Variants in MEI4 observed in about 807,000 individuals in gnomAD.
MEI4 encodes meiotic double-stranded break formation protein 4, also known as meiosis-specific protein MEI4.
Under a neutral mutation model 31.4 loss-of-function variants are expected in MEI4, and 27 were observed. The observed-to-expected ratio is 0.86, with a 90% CI of 0.63 to 1.19. The LOEUF (loss-of-function observed/expected upper bound fraction) is 1.19, where lower values mean the gene tolerates loss of function less well. Ranked by LOEUF, MEI4 falls within the 50% of genes most tolerant of loss-of-function variation. MEI4 has a pLI of 0.00. For missense variants in MEI4, 329 were observed against 398.9 expected, an observed-to-expected ratio of 0.82 and a Z score of 1.49; for synonymous variants, 122 against 145.4, an observed-to-expected ratio of 0.84 and a Z score of 1.16.
At position 77,715,657 on chromosome 6, in the gene MEI4, G is replaced by A. The variant is rs139508369; in HGVS notation, c.232+24754G>A. On this transcript the variant is annotated intron_variant, in intron 2 of 4. Transcript: ENST00000684080. ...GCCATATCCCTAATGTACTTACAGA[G>A]TTCTCATTTGGGCTTTACTGGCAGA... is the stretch of plus-strand genomic sequence containing the variant. 1.4e-3 allele frequency among the ~76,000 whole-genome samples: 212 copies of A among 152,220 alleles called. 1 individual carries two copies. Among genetic ancestry groups the A allele is most frequent in the African/African-American group, 4.5e-3 (186 of 41,526 alleles).
At chr6:77,900,839 A>T (rs1287170711) in intron 4 of MEI4, among the ~76,000 whole-genome samples, 3 of 151,920 alleles carry the variant, frequency 2.0e-5, no homozygotes, top group Non-Finnish European at 4.4e-5. Flanking sequence ...ATCTAACAGA[A>T]ATTTTGTGTC....
intron 3 of MEI4, among the ~76,000 whole-genome samples, chr6:77,791,800 A>G (rs982132706): frequency 2.0e-5 from 3 of 152,184 alleles, no homozygotes; most frequent in African/African-American, 4.8e-5. Flanking sequence ...TCTAATCTCT[A>G]GTAATTTTCA....
At chr6:77,799,954 C>T (rs1428761185) in intron 3 of MEI4, among the ~76,000 whole-genome samples, 2 of 152,132 alleles carry the variant, frequency 1.3e-5, no homozygotes, top group Admixed American at 1.3e-4. Context: ...GTTCTTTTGG[C>T]TTAGGATTTA....
intron 3 of MEI4, among the ~76,000 whole-genome samples, chr6:77,804,859 A>G (rs539966878): frequency 2.1e-4 from 32 of 152,336 alleles, no homozygotes; most frequent in Non-Finnish European, 3.5e-4. Flanking sequence ...TTGTCTGTCA[A>G]TCTTATTTAA....
intron 1 of MEI4, among the ~76,000 whole-genome samples, chr6:77,681,900 A>C (rs912803332): frequency 2.0e-5 from 3 of 152,188 alleles, no homozygotes; most frequent in Non-Finnish European, 2.9e-5. Flanking sequence ...TAAAAGTAGA[A>C]AAATTTGAAA....
At chr6:77,777,019 A>G (rs993083140) in intron 3 of MEI4, among the ~76,000 whole-genome samples, 2 of 152,160 alleles carry the variant, frequency 1.3e-5, no homozygotes, top group Non-Finnish European at 2.9e-5. Flanking sequence ...GGAGATATGT[A>G]TGCACCTAAA....
rs1766826353 is a variant in MEI4 at position 77,925,739 on chromosome 6, A to G, written c.*2393A>G. On this transcript the variant is annotated 3_prime_UTR_variant, in exon 5 of 5. Transcript: ENST00000684080. Reference sequence around the variant, plus strand: ...TGATGATAATTGCTATAACTCTTATACTATTTAATATAAGCTATAATAAAT... The same window carrying G: ...TGATGATAATTGCTATAACTCTTATGCTATTTAATATAAGCTATAATAAAT... 1 of 149,496 alleles carries G rather than the reference A, an allele frequency of 6.7e-6. No homozygotes were observed. The allele number at this position is 149,496 out of a possible 1,614,324, so 9.3% of individuals were successfully genotyped here. A position where few individuals can be genotyped will look rare whatever the true frequency, so the allele number is the denominator to read the frequency against.
At chr6:77,834,227 A>T (rs1006864808) in intron 4 of MEI4, among the ~76,000 whole-genome samples, 4 of 152,056 alleles carry the variant, frequency 2.6e-5, no homozygotes, top group African/African-American at 9.7e-5. Context: ...TGGAACCTTT[A>T]GAAAGAAAAT....
At chr6:77,664,073 C>T (rs979458026) in intron 1 of MEI4, among the ~76,000 whole-genome samples, 21 of 152,280 alleles carry the variant, frequency 1.4e-4, no homozygotes, top group Admixed American at 4.6e-4. Context: ...GCGATTCAGG[C>T]GTTTGGAAGT....
chr6:77,699,189 CTTTTTTTTT>C (rs70974682), intron 2 of MEI4, among the ~76,000 whole-genome samples: 2 of 113,832 alleles, frequency 1.8e-5, no homozygotes, highest in African/African-American at 3.5e-5. Flanking sequence ...TTCAAAGTTT[CTTTTTTTTT>C]TTTTTTTTTG....
intron 2 of MEI4, among the ~76,000 whole-genome samples, chr6:77,706,536 A>G (rs1364977218): frequency 1.3e-5 from 2 of 152,112 alleles, no homozygotes; most frequent in Admixed American, 1.3e-4. Context: ...GATTAAATAA[A>G]TCTGTTATCT....
chr6:77,772,852 T>C (rs1116882), intron 3 of MEI4, among the ~76,000 whole-genome samples: 1 of 151,756 alleles, frequency 6.6e-6, no homozygotes, highest in Non-Finnish European at 1.5e-5. Context: ...TTTAGTAAAT[T>C]TGTGGGATTC....
intron 1 of MEI4, among the ~76,000 whole-genome samples, chr6:77,670,806 A>T (rs1768724216): frequency 6.6e-6 from 1 of 152,096 alleles, no homozygotes; most frequent in African/African-American, 2.4e-5. Context: ...AGCCATGTTT[A>T]TCACAATCTG....
intron 4 of MEI4, among the ~76,000 whole-genome samples, chr6:77,877,842 A>G (rs1441181112): frequency 5.3e-5 from 8 of 151,958 alleles, no homozygotes; most frequent in Admixed American, 1.3e-4. Context: ...AGAAAATAAA[A>G]AACAATTTAA....
chr6:77,787,960 T>C (rs902969334), intron 3 of MEI4, among the ~76,000 whole-genome samples: 1 of 152,156 alleles, frequency 6.6e-6, no homozygotes, highest in African/African-American at 2.4e-5. Flanking sequence ...TGGTGTAAAA[T>C]TGTCATTTTG....
chr6:77,736,999 A>G (rs961419930), intron 2 of MEI4, among the ~76,000 whole-genome samples: 2 of 152,202 alleles, frequency 1.3e-5, no homozygotes, highest in African/African-American at 2.4e-5. Flanking sequence ...ATGTAATATG[A>G]TAGTGGCATA....
intron 3 of MEI4, among the ~76,000 whole-genome samples, chr6:77,804,840 A>G (rs1309377601): frequency 1.3e-5 from 2 of 152,202 alleles, no homozygotes; most frequent in African/African-American, 2.4e-5. Flanking sequence ...TAGTCTTCTA[A>G]GACAAGCATT....
At chr6:77,772,881 T>A (rs1768350791) in intron 3 of MEI4, among the ~76,000 whole-genome samples, 1 of 151,810 alleles carries the variant, frequency 6.6e-6, no homozygotes, top group Admixed American at 6.6e-5. Context: ...CAAAGAGAAA[T>A]CACTAGCATT....
intron 2 of MEI4, among the ~76,000 whole-genome samples, chr6:77,727,455 T>A (rs147291916): frequency 1.1e-3 from 167 of 152,296 alleles, no homozygotes; most frequent in African/African-American, 2.6e-3. Flanking sequence ...CCAGGGACAG[T>A]CTGAACTATT....
Sources: allele counts gnomAD v4.1 joint callset (sites outside exome capture counted in the v4.1 genomes callset), GRCh38; gene constraint gnomAD v4.1.1; transcripts MANE v1.5; gene names NCBI Gene and HGNC (gene_info 2026-07-23, HGNC 2026-07-21).